The following EIPR1 variants were observed in gnomAD, a reference collection of about 807,000 sequenced individuals.
EIPR1 encodes EARP and GARP complex-interacting protein 1.
In EIPR1, 25 loss-of-function variants were observed where a neutral mutation model predicts 48.1. The ratio of observed to expected loss-of-function variants is 0.52; its 90% CI spans 0.38 to 0.73. The LOEUF (loss-of-function observed/expected upper bound fraction) is 0.73. Among genes scored for constraint, EIPR1 ranks in the 30% least tolerant of loss-of-function variants. EIPR1 has a pLI of 0.00. For missense variants in EIPR1, 415 were observed against 506.2 expected (o/e 0.82, Z 1.73); for synonymous variants, 204 against 201.9 (o/e 1.01, Z -0.09).
intron 3 of EIPR1, among the ~76,000 whole-genome samples, chr2:3,281,603 A>G (rs1382654950): frequency 6.6e-6 from 1 of 152,216 alleles, no homozygotes; most frequent in Non-Finnish European, 1.5e-5. Context: ...ACACCCACGT[A>G]TACAGGAACG....
chr2:3,330,058 G>C (rs1416151155), intron 3 of EIPR1, among the ~76,000 whole-genome samples: 1 of 152,262 alleles, frequency 6.6e-6, no homozygotes, highest in Non-Finnish European at 1.5e-5. Flanking sequence ...ACCAGCCTGG[G>C]CTTCCTGGGT....
chr2:3,194,309 T>C, intron 6 of EIPR1, 143 bp from the exon 7 acceptor site: 2 of 968,742 alleles, frequency 2.1e-6, no homozygotes, highest in Non-Finnish European at 3.0e-6. Flanking sequence ...GTTCCTGCCC[T>C]GCAGGAAGAG....
At chr2:3,350,165 T>C (rs1257085329) in intron 2 of EIPR1, among the ~76,000 whole-genome samples, 1 of 147,604 alleles carries the variant, frequency 6.8e-6, no homozygotes, top group African/African-American at 2.5e-5. Context: ...CTGGGTAGTT[T>C]ATAAAGAAAA....
chr2:3,336,662 G>A (rs1318029207), intron 3 of EIPR1, among the ~76,000 whole-genome samples: 1 of 152,052 alleles, frequency 6.6e-6, no homozygotes, highest in Non-Finnish European at 1.5e-5. Context: ...CAGCTACTCG[G>A]GAGGCTGAGG....
At chr2:3,222,788 G>A (rs571435996) in intron 4 of EIPR1, among the ~76,000 whole-genome samples, 6 of 152,260 alleles carry the variant, frequency 3.9e-5, no homozygotes, top group Middle Eastern at 3.4e-3. Context: ...TCGTGGATTC[G>A]CTTTCAGAGA....
chr2:3,294,098 T>G (rs1407726408), intron 3 of EIPR1, among the ~76,000 whole-genome samples: 1 of 152,138 alleles, frequency 6.6e-6, no homozygotes, highest in Admixed American at 6.5e-5. Flanking sequence ...ACAAATACAT[T>G]TAAAGTCATA....
chr2:3,317,788 C>T (rs752399623), intron 3 of EIPR1, among the ~76,000 whole-genome samples: 8 of 152,150 alleles, frequency 5.3e-5, no homozygotes, highest in Non-Finnish European at 8.8e-5. Flanking sequence ...GGGGTTTGCA[C>T]GTGCACAGAG....
chr2:3,272,078 C>A (rs1357415840), intron 3 of EIPR1, among the ~76,000 whole-genome samples: 1 of 152,232 alleles, frequency 6.6e-6, no homozygotes, highest in Non-Finnish European at 1.5e-5. Flanking sequence ...GTGAACCAAC[C>A]TCTGCTAGCT....
At chr2:3,364,201 T>C (rs1326405392) in intron 1 of EIPR1, among the ~76,000 whole-genome samples, 1 of 152,162 alleles carries the variant, frequency 6.6e-6, no homozygotes, top group Non-Finnish European at 1.5e-5. Context: ...GTTGAAGAGA[T>C]ACCTGCACCC....
rs574481131 is a variant in EIPR1 at position 3,348,126 on chromosome 2, T to C, written c.126+6424A>G. ...CAGAGGCGCTGCAGGAACAAAGCTA[T>C]CACGAATCAAAACAGATGCAGAACC... is the stretch of plus-strand genomic sequence containing the variant. On this transcript the variant is annotated intron_variant, in intron 2 of 8. Transcript: ENST00000382125. 7.9e-5 allele frequency among the ~76,000 whole-genome samples: 12 copies of C among 152,160 alleles called. No individual in the cohort carries two copies. In the South Asian group the frequency reaches 2.5e-3, roughly 32 times the overall value.
intron 3 of EIPR1, among the ~76,000 whole-genome samples, chr2:3,296,306 T>A (rs1572409735): frequency 1.4e-5 from 1 of 70,862 alleles, no homozygotes; most frequent in East Asian, 4.6e-4. Context: ...ATCCAGCCCA[T>A]CCTCTCTACA....
intron 1 of EIPR1, among the ~76,000 whole-genome samples, chr2:3,356,139 G>A (rs1670721750): frequency 6.6e-6 from 1 of 152,254 alleles, no homozygotes; most frequent in Admixed American, 6.5e-5. Flanking sequence ...CGGCCCTTCA[G>A]AGTTAAGGCC....
intron 5 of EIPR1, among the ~76,000 whole-genome samples, chr2:3,197,916 C>G (rs915369377): frequency 2.5e-4 from 38 of 152,300 alleles, no homozygotes; most frequent in African/African-American, 9.1e-4. Context: ...AGGCTGAGGG[C>G]AGGTCCAAAC....
intron 4 of EIPR1, among the ~76,000 whole-genome samples, chr2:3,254,620 G>T (rs7571868): frequency 0.66 from 100,849 of 152,120 alleles, 33,672 homozygotes; most frequent in East Asian, 0.81. Context: ...TTACACTGTG[G>T]GTGATTCCAT....
chr2:3,203,094 A>G (rs573712268), intron 5 of EIPR1, among the ~76,000 whole-genome samples: 1 of 152,346 alleles, frequency 6.6e-6, no homozygotes, highest in African/African-American at 2.4e-5. Context: ...CTCATTTCCT[A>G]GTGAAATTAT....
At chr2:3,287,985 T>C (rs1215007750) in intron 3 of EIPR1, among the ~76,000 whole-genome samples, 3 of 152,230 alleles carry the variant, frequency 2.0e-5, no homozygotes, top group Non-Finnish European at 2.9e-5. Context: ...TAAGGGGTAA[T>C]TGCCATGAGA....
chr2:3,233,783 T>G (rs377386971), intron 4 of EIPR1, among the ~76,000 whole-genome samples: 5 of 152,216 alleles, frequency 3.3e-5, no homozygotes, highest in African/African-American at 1.2e-4. Flanking sequence ...CTGGGTAAAA[T>G]GTCCAGTGAG....
At chr2:3,208,943 T>C in intron 5 of EIPR1, 1 of 1,506,312 alleles carries the variant, frequency 6.6e-7, no homozygotes, top group Non-Finnish European at 8.9e-7. Context: ...CTTCAGAATG[T>C]TCAGATTCTT....
intron 1 of EIPR1, among the ~76,000 whole-genome samples, chr2:3,371,976 T>G (rs56132041): frequency 1.3e-5 from 2 of 151,980 alleles, no homozygotes; most frequent in African/African-American, 4.8e-5. Flanking sequence ...GACCACATAG[T>G]TGGAAGTAAA....
Sources: gnomAD v4.1 joint callset for allele counts (sites outside exome capture counted in the v4.1 genomes callset) on GRCh38, gnomAD v4.1.1 for gene constraint, MANE v1.5 for transcripts, NCBI Gene and HGNC (gene_info 2026-07-23, HGNC 2026-07-21) for gene names.